The following USH2A variants were observed in gnomAD, a reference collection of about 807,000 sequenced individuals.
USH2A encodes usherin.
In USH2A, 443 loss-of-function variants were observed where a neutral mutation model predicts 538.9. That is an observed-to-expected ratio of 0.82 (90% CI 0.76 to 0.89). The LOEUF is 0.89. Among genes scored for constraint, USH2A ranks in the 40% least tolerant of loss-of-function variants. The pLI is 0.00. For missense variants in USH2A, 6,633 were observed against 6,324.8 expected (o/e 1.05, Z -1.65); for synonymous variants, 2,413 against 2,273.5 (o/e 1.06, Z -1.75).
At chr1:216,300,094 T>A (rs1419504131) in intron 9 of USH2A, among the ~76,000 whole-genome samples, 1 of 152,218 alleles carries the variant, frequency 6.6e-6, no homozygotes, top group Non-Finnish European at 1.5e-5. Context: ...TCGTTTCAGA[T>A]AATACAAGGA....
intron 38 of USH2A, among the ~76,000 whole-genome samples, chr1:215,923,096 G>C (rs1437405031): frequency 6.6e-6 from 1 of 152,022 alleles, no homozygotes; most frequent in Non-Finnish European, 1.5e-5. Flanking sequence ...TTAGCATTTG[G>C]CATGATTTTC....
At chr1:216,368,610 T>C (rs1192491726) in intron 3 of USH2A, among the ~76,000 whole-genome samples, 2 of 152,228 alleles carry the variant, frequency 1.3e-5, no homozygotes, top group African/African-American at 4.8e-5. Flanking sequence ...TAAGTCATGA[T>C]CCTTTCTCTC....
At chr1:216,155,738 T>A (rs1272657142) in intron 21 of USH2A, among the ~76,000 whole-genome samples, 1 of 152,198 alleles carries the variant, frequency 6.6e-6, no homozygotes, top group Admixed American at 6.5e-5. Flanking sequence ...TGATTTTGTT[T>A]ATGAAGCAGG....
At chr1:216,313,749 ATTCT>A (rs143512666) in intron 9 of USH2A, among the ~76,000 whole-genome samples, 33,849 of 151,726 alleles carry the variant, frequency 0.22, 4,505 homozygotes, top group East Asian at 0.35. Context: ...CTAAAAATGC[ATTCT>A]TTCTTTCTTG....
intron 3 of USH2A, among the ~76,000 whole-genome samples, chr1:216,387,567 G>A (rs910081219): frequency 7.9e-5 from 12 of 152,116 alleles, no homozygotes; most frequent in Admixed American, 6.5e-4. Flanking sequence ...TATAGACTTT[G>A]CTTTAATACA....
intron 14 of USH2A, among the ~76,000 whole-genome samples, chr1:216,225,372 C>G (rs74141524): frequency 0.016 from 2,379 of 152,210 alleles, 42 homozygotes; most frequent in African/African-American, 0.032. Flanking sequence ...TTCTCCATGC[C>G]CTTCTGTGCT....
At chr1:215,804,833 A>G (rs1662447125) in intron 49 of USH2A, among the ~76,000 whole-genome samples, 1 of 152,184 alleles carries the variant, frequency 6.6e-6, no homozygotes, top group South Asian at 2.1e-4. Flanking sequence ...ACACATGCAC[A>G]CGTATGTTTA....
intron 52 of USH2A, 102 bp downstream of exon 52, chr1:215,786,568 T>A (rs1358140594): frequency 1.9e-5 from 24 of 1,269,990 alleles, no homozygotes; most frequent in Non-Finnish European, 1.1e-5. Context: ...TGTACTGATA[T>A]CAGTTTAAGG....
intron 38 of USH2A, among the ~76,000 whole-genome samples, chr1:215,902,153 C>T (rs1391552292): frequency 6.6e-6 from 1 of 151,962 alleles, no homozygotes; most frequent in African/African-American, 2.4e-5. Flanking sequence ...CACAAATTAC[C>T]AGAGGCCATT....
chr1:216,217,961 T>C (rs563560831), intron 14 of USH2A, among the ~76,000 whole-genome samples: 34 of 152,114 alleles, frequency 2.2e-4, no homozygotes, highest in Non-Finnish European at 3.5e-4. Context: ...TCTTTTCAAG[T>C]GACTCTCCAA....
chr1:215,655,687 G>GTGACCCTT (rs773926257), intron 64 of USH2A, among the ~76,000 whole-genome samples: 4 of 150,464 alleles, frequency 2.7e-5, no homozygotes, highest in Non-Finnish European at 5.9e-5. Context: ...TCCAAGAATG[G>GTGACCCTT]TGACCCTTTG....
At chr1:215,891,183 A>T (rs1439994142) in intron 40 of USH2A, among the ~76,000 whole-genome samples, 1 of 152,188 alleles carries the variant, frequency 6.6e-6, no homozygotes, top group African/African-American at 2.4e-5. Context: ...GCCTTTTCTT[A>T]AAGATGATCT....
At chr1:215,942,656 A>G (rs117206574) in intron 37 of USH2A, among the ~76,000 whole-genome samples, 1,870 of 152,306 alleles carry the variant, frequency 0.012, 33 homozygotes, top group East Asian at 0.064. Context: ...GTACAAATGT[A>G]TAAAGGAAAA....
At chr1:216,307,766 C>T (rs1361233160) in intron 9 of USH2A, among the ~76,000 whole-genome samples, 1 of 152,186 alleles carries the variant, frequency 6.6e-6, no homozygotes, top group Non-Finnish European at 1.5e-5. Context: ...CTTCCCCCTG[C>T]TTCCTTTACC....
chr1:216,366,851 T>C (rs766243639), intron 3 of USH2A, among the ~76,000 whole-genome samples: 11 of 152,306 alleles, frequency 7.2e-5, no homozygotes, highest in Non-Finnish European at 1.2e-4. Flanking sequence ...TGTTGGGTAG[T>C]AGGGCTGCAT....
intron 32 of USH2A, among the ~76,000 whole-genome samples, chr1:216,031,240 A>T (rs1669114617): frequency 6.6e-6 from 1 of 152,044 alleles, no homozygotes; most frequent in East Asian, 1.9e-4. Flanking sequence ...GTGCTTTTAT[A>T]ATGATGTCAC....
intron 4 of USH2A, among the ~76,000 whole-genome samples, chr1:216,353,224 G>C (rs915490591): frequency 1.5e-4 from 23 of 152,040 alleles, no homozygotes; most frequent in Admixed American, 3.3e-4. Context: ...TCCCGGGAGG[G>C]ATGAGGAATT....
At chr1:216,276,658 TTA>T (rs1175251380) in intron 11 of USH2A, among the ~76,000 whole-genome samples, 1 of 152,106 alleles carries the variant, frequency 6.6e-6, no homozygotes, top group African/African-American at 2.4e-5. Context: ...TTTGTTGGAC[TTA>T]CAGTTCCATA....
chr1:215,764,681 A>G (rs1661077276), intron 56 of USH2A, among the ~76,000 whole-genome samples: 1 of 152,128 alleles, frequency 6.6e-6, no homozygotes, highest in Non-Finnish European at 1.5e-5. Flanking sequence ...AGATCTTCAA[A>G]TTATATCTGA....
Sources: allele counts gnomAD v4.1 joint callset (sites outside exome capture counted in the v4.1 genomes callset), GRCh38; gene constraint gnomAD v4.1.1; transcripts MANE v1.5; gene names NCBI Gene and HGNC (gene_info 2026-07-23, HGNC 2026-07-21).